Variants in C12orf56 observed in about 807,000 individuals in gnomAD.
C12orf56 encodes uncharacterized protein C12orf56.
A neutral mutation model predicts 69.9 loss-of-function variants in C12orf56; 71 were observed. That is an observed-to-expected ratio of 1.02 (90% CI 0.84 to 1.24). The LOEUF (loss-of-function observed/expected upper bound fraction) is 1.24. Ranked by LOEUF, C12orf56 falls within the 50% of genes most tolerant of loss-of-function variation. The pLI is 0.00. For synonymous variants in C12orf56, 276 were observed against 274.1 expected (o/e 1.01, Z -0.07); for missense variants, 732 against 738.5 (o/e 0.99, Z 0.10).
rs774756287 is a variant in C12orf56 at position 64,390,530 on chromosome 12, G to C, written c.36C>G (p.Arg12=). The C allele has an allele frequency of 1.3e-6, 2 of 1,596,534 alleles. No individual in the cohort carries two copies. The highest frequency in any genetic ancestry group is 1.7e-6 in the Non-Finnish European group (2 of 1,178,060). ...ASPLPSGFPA[R]RNSRLDVFLR... Reference sequence around the variant, plus strand: ...GGAACACATCCAGGCGGCTGTTCCTGCGCGCGGGGAAGCCGGACGGCAAGG... The same window carrying C: ...GGAACACATCCAGGCGGCTGTTCCTCCGCGCGGGGAAGCCGGACGGCAAGG... The change falls in exon 1 of 13, where the codon CGC becomes CGG. Residue 12 remains arginine (R), a synonymous_variant. Coordinates refer to ENST00000543942, the MANE Select transcript of C12orf56 (RefSeq NM_001170633.2).
chr12:64,346,915 A>C (rs1454727483), intron 2 of C12orf56, among the ~76,000 whole-genome samples: 1 of 152,190 alleles, frequency 6.6e-6, no homozygotes, highest in Non-Finnish European at 1.5e-5. Flanking sequence ...GGTCTGAAAA[A>C]GAAAATATCT....
At chr12:64,322,070 C>T (rs530506232) in intron 3 of C12orf56, among the ~76,000 whole-genome samples, 17 of 151,202 alleles carry the variant, frequency 1.1e-4, no homozygotes, top group African/African-American at 4.1e-4. Flanking sequence ...GTTTTGAACT[C>T]CTGGGCTCAA....
intron 1 of C12orf56, among the ~76,000 whole-genome samples, chr12:64,387,053 G>T (rs1359022405): frequency 1.8e-5 from 2 of 110,386 alleles, no homozygotes; most frequent in Admixed American, 2.7e-4. Context: ...ACTCCAGCCT[G>T]GGTAACAGAG....
chr12:64,322,669 C>T (rs1259718797), intron 3 of C12orf56, among the ~76,000 whole-genome samples: 1 of 152,150 alleles, frequency 6.6e-6, no homozygotes, highest in African/African-American at 2.4e-5. Flanking sequence ...CAACATCCTT[C>T]TTGTGGCCTG....
Position 64,286,016 on chromosome 12 carries a change from G to C in C12orf56, c.1158C>G (p.Tyr386Ter), listed in dbSNP as rs771332914. The C allele has an allele frequency of 1.8e-5, 29 of 1,611,036 alleles. No individual in the cohort carries two copies. The highest frequency in any genetic ancestry group is 2.2e-5 in the Non-Finnish European group (26 of 1,178,152). Residue 386 changes from tyrosine (Y) to a stop codon, truncating the protein, a stop_gained, in exon 7 of 13, where the codon TAC becomes TAG. Transcript: ENST00000543942. LOFTEE classifies it high-confidence loss of function. ...CATTCTTATCCCTAGACTCCGGCAA[G>C]TACTCATGAAGTTTGTTTACTATGA... ...FYFIVNKLHE[Y>*]LPESRDKNAL... is the part of the protein sequence containing the mutation.
At chr12:64,324,891 G>A (rs1195464553) in intron 3 of C12orf56, among the ~76,000 whole-genome samples, 1 of 152,138 alleles carries the variant, frequency 6.6e-6, no homozygotes, top group African/African-American at 2.4e-5. Context: ...GAACTCAGGA[G>A]TTCCAATAAT....
chr12:64,295,003 C>T (rs61931479), intron 6 of C12orf56, among the ~76,000 whole-genome samples: 33,853 of 151,554 alleles, frequency 0.22, 4,098 homozygotes, highest in East Asian at 0.5. Flanking sequence ...TGGTTTCAAG[C>T]GATTTCCTGT....
At chr12:64,273,531 C>T (rs1342137902) in intron 11 of C12orf56, among the ~76,000 whole-genome samples, 1 of 152,180 alleles carries the variant, frequency 6.6e-6, no homozygotes, top group Non-Finnish European at 1.5e-5. Context: ...TCTACCCTCA[C>T]GGCACTGGCA....
chr12:64,270,362 C>T (rs1362862570), intron 12 of C12orf56, among the ~76,000 whole-genome samples, 174 bp downstream of exon 12: 1 of 152,178 alleles, frequency 6.6e-6, no homozygotes, highest in Non-Finnish European at 1.5e-5. Context: ...GATTGCACCA[C>T]TGTATTCCAG....
chr12:64,270,476 G>T, intron 12 of C12orf56, 60 bp downstream of exon 12: 1 of 1,323,254 alleles, frequency 7.6e-7, no homozygotes, highest in Non-Finnish European at 1.0e-6. Flanking sequence ...TTGCAGGTTT[G>T]CATGAACTCA....
At chr12:64,315,117 A>T (rs975465766) in intron 4 of C12orf56, among the ~76,000 whole-genome samples, 1 of 149,094 alleles carries the variant, frequency 6.7e-6, no homozygotes, top group African/African-American at 2.5e-5. Flanking sequence ...ACGGCCAGCC[A>T]ATTTTTGTAT....
chr12:64,302,906 C>A lies in C12orf56; in HGVS notation c.1113+729G>T, dbSNP rs896042312. 1.3e-5 allele frequency among the ~76,000 whole-genome samples: 2 copies of A among 152,090 alleles called. 1 individual carries two copies. The highest frequency in any genetic ancestry group is 4.1e-4 in the South Asian group (2 of 4,828). ...ATCACAGCACTTTAGGAAGCCAAGG[C>A]AGGAGGATCACTTGAGCCCAGGAGT... On this transcript the variant is annotated intron_variant, in intron 6 of 12. Transcript: ENST00000543942.
intron 2 of C12orf56, chr12:64,338,742 A>C: frequency 6.8e-7 from 1 of 1,475,134 alleles, no homozygotes; most frequent in East Asian, 2.3e-5. Context: ...TGTTCAATGA[A>C]AGCCATCATA....
rs149772350 is a variant in C12orf56 at position 64,380,985 on chromosome 12, G to C, written c.252+9329C>G. On this transcript the variant is annotated intron_variant, in intron 1 of 12. Coordinates refer to ENST00000543942, the MANE Select transcript of C12orf56 (RefSeq NM_001170633.2). ...ACAGGTTCATGTTGCCTGCTGCCTA[G>C]ACAAGGCCAATTTATCAAGACAGGG... 2.6e-5 allele frequency among the ~76,000 whole-genome samples: 4 copies of C among 152,278 alleles called. No homozygotes were observed. In the South Asian group the frequency reaches 8.3e-4, roughly 32 times the overall value.
chr12:64,366,295 ATATAT>A (rs1565777168), intron 1 of C12orf56, among the ~76,000 whole-genome samples: 9 of 22,370 alleles, frequency 4.0e-4, no homozygotes, highest in African/African-American at 9.8e-4. Flanking sequence ...TATACAGTTT[ATATAT>A]TATATATTAT....
intron 6 of C12orf56, 146 bp from the exon 7 acceptor site, chr12:64,286,206 C>T (rs1214344194): frequency 3.4e-6 from 2 of 582,046 alleles, no homozygotes; most frequent in Non-Finnish European, 5.9e-6. Flanking sequence ...ACTAGCATAA[C>T]CCAAATTGGA....
chr12:64,303,680 T>G lies in C12orf56; in HGVS notation c.1068A>C (p.Lys356Asn), dbSNP rs201198805. ...RRILSLLMEL[K>N]VAAQKNFILK... ...GAATGAAGTTTTTCTGGGCTGCTACTTTAAGTTCCATAAGTAAAGAAAGTA... is the reference window on the plus strand; with the variant it reads ...GAATGAAGTTTTTCTGGGCTGCTACGTTAAGTTCCATAAGTAAAGAAAGTA... The change falls in exon 6 of 13, where the codon AAA (lysine) becomes AAC (asparagine). Residue 356 changes from lysine to asparagine, a missense_variant. Transcript: ENST00000543942. 407 of 1,574,298 alleles carry G rather than the reference T, an allele frequency of 2.6e-4. No individual in the cohort carries two copies. In the African/African-American group the frequency reaches 5.0e-3, roughly 19 times the overall value.
At position 64,318,638 on chromosome 12, in the gene C12orf56, A is replaced by G. The variant is rs994273669; in HGVS notation, c.831T>C (p.Tyr277=). The G allele has an allele frequency of 1.8e-5, 27 of 1,536,854 alleles. No individual in the cohort carries two copies. Among genetic ancestry groups the G allele is most frequent in the Admixed American group, 5.9e-5 (3 of 50,972 alleles). Residue 277 remains tyrosine (Y), a synonymous_variant, in exon 4 of 13, where the codon TAT becomes TAC. Transcript: ENST00000543942. ...LEKKESELHL[Y]VISTTSSIFL... ...ATATTGATGAGGTTGTGGAAATAAC[A>G]TACAAATGAAGTTCTGACTCCTTTT...
chr12:64,294,329 C>A (rs2038335390), intron 6 of C12orf56, among the ~76,000 whole-genome samples: 1 of 152,124 alleles, frequency 6.6e-6, no homozygotes, highest in Admixed American at 6.6e-5. Flanking sequence ...AATTCCATTT[C>A]TGAGTATATA....
Sources: gnomAD v4.1 joint callset for allele counts (sites outside exome capture counted in the v4.1 genomes callset) on GRCh38, gnomAD v4.1.1 for gene constraint, MANE v1.5 for transcripts, NCBI Gene and HGNC (gene_info 2026-07-23, HGNC 2026-07-21) for gene names.